The following KATNAL1 variants were observed in gnomAD, a reference collection of about 807,000 sequenced individuals.
KATNAL1 encodes katanin p60 ATPase-containing subunit A-like 1.
KATNAL1 carries 32 observed loss-of-function variants against 55.2 expected under a neutral mutation model. The observed-to-expected ratio is 0.58, with a 90% CI of 0.44 to 0.78. The LOEUF is 0.78. Among genes scored for constraint, KATNAL1 ranks in the 30% least tolerant of loss-of-function variants. The probability of loss-of-function intolerance (pLI) is 0.00; values close to 1 mark genes in which losing one functional copy is unlikely to be tolerated. For synonymous variants in KATNAL1, 193 were observed against 193.6 expected (o/e 1.00, Z 0.02); for missense variants, 466 against 600.9 (o/e 0.78, Z 2.35).
rs184653063 is a variant in KATNAL1, at chr13:30,226,040, G to A, written c.1147+1372C>T. The stretch of plus-strand genomic sequence containing the variant: ...AAAAGCACATAAAAAGGTACTCAAC[G>A]TAAGTCATCAGAGAAATACCAATTA... On this transcript the variant is annotated intron_variant, in intron 9 of 10. Transcript: ENST00000380615. Among the ~76,000 whole-genome samples, 78 of 152,102 alleles carry A rather than the reference G, an allele frequency of 5.1e-4. No homozygotes were observed. The East Asian group carries it at 0.014, about 27-fold the overall frequency.
intron 3 of KATNAL1, among the ~76,000 whole-genome samples, chr13:30,260,057 C>T (rs1184801640): frequency 6.6e-6 from 1 of 152,220 alleles, no homozygotes; most frequent in African/African-American, 2.4e-5. Flanking sequence ...TCAAGTGGGT[C>T]CCTGACCCCG....
At chr13:30,242,585 T>C (rs1283254528) in intron 4 of KATNAL1, among the ~76,000 whole-genome samples, 7 of 152,058 alleles carry the variant, frequency 4.6e-5, no homozygotes, top group Non-Finnish European at 1.0e-4. Context: ...TATAATAAAA[T>C]GTATTGCGCA....
intron 2 of KATNAL1, chr13:30,281,670 A>AAAT (rs1881348763): frequency 6.6e-6 from 1 of 152,220 alleles, no homozygotes. Flanking sequence ...GAAACACTTG[A>AAAT]AAGGCATTAG....
At chr13:30,253,662 C>CA (rs71093036) in intron 4 of KATNAL1, among the ~76,000 whole-genome samples, 4 of 88,078 alleles carry the variant, frequency 4.5e-5, no homozygotes, top group Admixed American at 1.2e-4. Context: ...GACTCCATCT[C>CA]AAAAAAAAAA....
Position 30,268,976 on chromosome 13 carries a change from A to AAC in KATNAL1, c.323+11085_323+11086dup, listed in dbSNP as rs897815219. Among the ~76,000 whole-genome samples, 9 of 152,276 alleles carry AAC rather than the reference A, an allele frequency of 5.9e-5. No homozygotes were observed. In the South Asian group the frequency reaches 1.4e-3, roughly 25 times the overall value. ...AAGCTTACAATCTAGCAGGAATGGT[A>AAC]ACACACACACAATATAGTATAATAT... On this transcript the variant is annotated intron_variant, in intron 3 of 10. Transcript: ENST00000380615.
chr13:30,214,854 T>C (rs1401895219), intron 9 of KATNAL1, among the ~76,000 whole-genome samples: 1 of 151,244 alleles, frequency 6.6e-6, no homozygotes, highest in Non-Finnish European at 1.5e-5. Flanking sequence ...ATTCAGGACA[T>C]AGGCATGGGC....
In KATNAL1 at chr13:30,209,931, G is replaced by A. The variant is rs980126610; in HGVS notation, c.1274+385C>T. 5.3e-5 allele frequency among the ~76,000 whole-genome samples: 8 copies of A among 152,140 alleles called. No individual in the cohort carries two copies. In the South Asian group the frequency reaches 8.3e-4, roughly 16 times the overall value. ...CGAGTAGCTGGAACTACAGGTGTCC[G>A]CCACCACACCTGGCTAATTTTTTGT... On this transcript the variant is annotated intron_variant, in intron 10 of 10. Coordinates refer to ENST00000380615, the MANE Select transcript of KATNAL1 (RefSeq NM_032116.5).
At chr13:30,293,407 C>T (rs983357265) in intron 1 of KATNAL1, among the ~76,000 whole-genome samples, 2 of 152,164 alleles carry the variant, frequency 1.3e-5, no homozygotes, top group African/African-American at 4.8e-5. Flanking sequence ...GGCAACACCC[C>T]TTCAAAATAC....
intron 3 of KATNAL1, among the ~76,000 whole-genome samples, chr13:30,265,467 A>T (rs960346123): frequency 3.3e-5 from 5 of 151,974 alleles, no homozygotes; most frequent in Non-Finnish European, 7.4e-5. Context: ...ACATTCAGAA[A>T]TATATTGAGC....
chr13:30,285,600 C>T (rs577369274), intron 1 of KATNAL1, among the ~76,000 whole-genome samples: 51 of 152,310 alleles, frequency 3.3e-4, no homozygotes, highest in African/African-American at 1.2e-3. Context: ...TTTTTCTTCA[C>T]AGCAGTGTGA....
At chr13:30,261,501 A>T (rs1243576027) in intron 3 of KATNAL1, among the ~76,000 whole-genome samples, 1 of 152,220 alleles carries the variant, frequency 6.6e-6, no homozygotes, top group Non-Finnish European at 1.5e-5. Context: ...ACATAGGCTC[A>T]AAATAAAAGG....
rs974438478 is a variant in KATNAL1, at chr13:30,205,680, C to T, written c.*2860G>A. ...ATGTACATTAAAAGTTAGGGCTGGGCACAGTGGCTCACGCCTGTAATCCAA... is the reference window on the plus strand; with the variant it reads ...ATGTACATTAAAAGTTAGGGCTGGGTACAGTGGCTCACGCCTGTAATCCAA... On this transcript the variant is annotated 3_prime_UTR_variant, in exon 11 of 11. Transcript: ENST00000380615. 7.0e-6 allele frequency: 1 copy of T among 143,206 alleles called. No individual in the cohort carries two copies. Among genetic ancestry groups the T allele is most frequent in the East Asian group, 2.0e-4 (1 of 4,914 alleles). The allele number at this position is 143,206 out of a possible 1,614,324, so 8.9% of individuals were successfully genotyped here. A position where few individuals can be genotyped will look rare whatever the true frequency, so the allele number is the denominator to read the frequency against.
intron 1 of KATNAL1, among the ~76,000 whole-genome samples, chr13:30,293,580 T>G (rs1882282683): frequency 6.6e-6 from 1 of 152,132 alleles, no homozygotes; most frequent in Non-Finnish European, 1.5e-5. Context: ...GTACAGTTGA[T>G]GAGTTTTGAA....
intron 3 of KATNAL1, among the ~76,000 whole-genome samples, chr13:30,274,908 C>CGT (rs1880714468): frequency 3.2e-5 from 1 of 31,430 alleles, no homozygotes; most frequent in African/African-American, 8.4e-5. Context: ...CGCGCGCGCG[C>CGT]ACACACACAC....
intron 3 of KATNAL1, among the ~76,000 whole-genome samples, chr13:30,271,038 T>C (rs1306894761): frequency 6.6e-6 from 1 of 152,094 alleles, no homozygotes; most frequent in Non-Finnish European, 1.5e-5. Context: ...GTGAGTGACA[T>C]TTGAACAAAT....
chr13:30,260,374 A>G (rs981738640), intron 3 of KATNAL1, among the ~76,000 whole-genome samples: 2 of 152,232 alleles, frequency 1.3e-5, no homozygotes, highest in African/African-American at 2.4e-5. Context: ...CTGGACGGAG[A>G]ATGACTTTGA....
rs181891356 is a variant in KATNAL1, at chr13:30,279,951, T to C, written c.323+112A>G. On this transcript the variant is annotated intron_variant, in intron 3 of 10. Coordinates refer to ENST00000380615, the MANE Select transcript of KATNAL1 (RefSeq NM_032116.5). ...TATAAATGTGAATATTAAAAACAGA[T>C]ACTGAAATTACATGTCCCCAAAAAT... The C allele has an allele frequency of 1.3e-4, 110 of 848,280 alleles. No individual in the cohort carries two copies. In the African/African-American group the frequency reaches 1.7e-3, roughly 13 times the overall value. 52.5% of individuals were successfully genotyped at this position (848,280 alleles called of 1,614,324 possible). A position where few individuals can be genotyped will look rare whatever the true frequency, so the allele number is the denominator to read the frequency against.
intron 6 of KATNAL1, among the ~76,000 whole-genome samples, chr13:30,238,959 T>C (rs1876974708): frequency 6.6e-6 from 1 of 152,262 alleles, no homozygotes; most frequent in East Asian, 1.9e-4. Flanking sequence ...TGTCACAACC[T>C]ATTTGGACTT....
At chr13:30,220,829 A>G (rs2137367777) in intron 9 of KATNAL1, among the ~76,000 whole-genome samples, 1 of 151,984 alleles carries the variant, frequency 6.6e-6, no homozygotes, top group Admixed American at 6.5e-5. Context: ...CCGCCTGAGT[A>G]GCTGGAATTA....
Sources: gnomAD v4.1 joint callset for allele counts (sites outside exome capture counted in the v4.1 genomes callset) on GRCh38, gnomAD v4.1.1 for gene constraint, MANE v1.5 for transcripts, NCBI Gene and HGNC (gene_info 2026-07-23, HGNC 2026-07-21) for gene names.